Variants in TP63 observed in about 807,000 individuals in gnomAD.
TP63 encodes the protein tumor protein 63.
In TP63, 17 loss-of-function variants were observed where a neutral mutation model predicts 82.8. That is an observed-to-expected ratio of 0.21 (90% CI 0.14 to 0.31). The LOEUF is 0.31. Among genes scored for constraint, TP63 ranks in the 10% least tolerant of loss-of-function variants. The probability of loss-of-function intolerance (pLI) is 1.00; values close to 1 mark genes in which losing one functional copy is unlikely to be tolerated. For missense variants in TP63, 648 were observed against 895.3 expected (o/e 0.72, Z 3.52); for synonymous variants, 330 against 321.7 (o/e 1.03, Z -0.28).
At chr3:189,599,462 T>G in the TP63 span, among the ~76,000 whole-genome samples, 1 of 152,200 alleles carries the variant, frequency 6.6e-6, no homozygotes, top group East Asian at 1.9e-4. Flanking sequence ...GCCATCATCC[T>G]CATTTTGAAA....
the TP63 span, among the ~76,000 whole-genome samples, chr3:189,625,596 T>C: frequency 7.9e-5 from 12 of 152,284 alleles, no homozygotes; most frequent in South Asian, 1.0e-3. Flanking sequence ...ATTTCAATAA[T>C]TGAACTGAGA....
the TP63 span, among the ~76,000 whole-genome samples, chr3:189,599,906 A>G: frequency 6.6e-6 from 1 of 152,192 alleles, no homozygotes; most frequent in Admixed American, 6.5e-5. Context: ...TCAACGAGTC[A>G]AACACTTTTA....
intron 3 of TP63, among the ~76,000 whole-genome samples, chr3:189,779,569 T>C (rs1724068360): frequency 6.6e-6 from 1 of 152,144 alleles, no homozygotes; most frequent in Non-Finnish European, 1.5e-5. Context: ...GGTGATTTGC[T>C]CTGATATGGA....
At chr3:189,693,032 A>G (rs900941932) in intron 1 of TP63, among the ~76,000 whole-genome samples, 7 of 152,130 alleles carry the variant, frequency 4.6e-5, no homozygotes, top group African/African-American at 1.4e-4. Context: ...CCCTCAAACA[A>G]AAATCAGTGT....
At chr3:189,879,981 G>A in intron 10 of TP63, 1 of 1,548,532 alleles carries the variant, frequency 6.5e-7, no homozygotes, top group Non-Finnish European at 8.7e-7. Flanking sequence ...GAAGGTATAA[G>A]GAGTGTGTTT....
At chr3:189,637,147 A>C (rs1453207259) in intron 1 of TP63, among the ~76,000 whole-genome samples, 1 of 151,978 alleles carries the variant, frequency 6.6e-6, no homozygotes, top group Non-Finnish European at 1.5e-5. Context: ...CCTAATGTGC[A>C]TATCTTTGAA....
chr3:189,647,736 A>T (rs943557020), intron 1 of TP63, among the ~76,000 whole-genome samples: 1 of 146,830 alleles, frequency 6.8e-6, no homozygotes, highest in Non-Finnish European at 1.5e-5. Context: ...GTCTTAAAGA[A>T]AAAAAAAGTA....
At chr3:189,712,184 G>A (rs1000497432) in intron 1 of TP63, among the ~76,000 whole-genome samples, 5 of 152,104 alleles carry the variant, frequency 3.3e-5, no homozygotes, top group African/African-American at 1.2e-4. Flanking sequence ...CCTCACTTAC[G>A]AGGACAGGAA....
intron 6 of TP63, 46 bp from the exon 7 acceptor site, chr3:189,867,779 AACAACGTC>A: frequency 4.0e-6 from 6 of 1,496,124 alleles, no homozygotes; most frequent in Non-Finnish European, 5.6e-6. Flanking sequence ...ACTGAGAAGG[AACAACGTC>A]AGTTTAAACC....
At chr3:189,799,058 A>G (rs992786748) in intron 3 of TP63, among the ~76,000 whole-genome samples, 11 of 152,150 alleles carry the variant, frequency 7.2e-5, no homozygotes, top group Admixed American at 3.9e-4. Flanking sequence ...TTGAATGCCT[A>G]TAGTCTAACA....
chr3:189,691,686 G>A (rs1250120793), intron 1 of TP63, among the ~76,000 whole-genome samples: 1 of 152,122 alleles, frequency 6.6e-6, no homozygotes, highest in African/African-American at 2.4e-5. Flanking sequence ...TAAAAGGAAA[G>A]CATGTTTCTC....
rs868285317 is a variant in TP63, at chr3:189,894,296, C to T, written c.1837C>T (p.Pro613Ser). ...CCGGCAGCTCCACGAATTCTCCTCC[C>T]CTTCTCATCTCCTGCGGACCCCAAG... is the stretch of plus-strand genomic sequence containing the variant. ...DHRQLHEFSS[P>S]SHLLRTPSSA... The change falls in exon 14 of 14, where the codon CCT becomes TCT. Residue 613 changes from proline (P) to serine (S), a missense_variant. By Grantham distance (74) the Pro-to-Ser change is moderately conservative. Transcript: ENST00000264731. The T allele has an allele frequency of 6.2e-7, 1 of 1,614,106 alleles. No individual in the cohort carries two copies. The highest frequency in any genetic ancestry group is 8.5e-7 in the Non-Finnish European group (1 of 1,180,014).
chr3:189,674,858 A>G (rs893455692), intron 1 of TP63, among the ~76,000 whole-genome samples: 3 of 152,158 alleles, frequency 2.0e-5, no homozygotes, highest in African/African-American at 7.2e-5. Flanking sequence ...GATATTAACT[A>G]GAAGACCCTA....
At chr3:189,875,609 T>TATATATATATATATAC (rs1553859651) in intron 10 of TP63, among the ~76,000 whole-genome samples, 1 of 62,994 alleles carries the variant, frequency 1.6e-5, no homozygotes, top group African/African-American at 5.5e-5. Context: ...TATATATATA[T>TATATATATATATATAC]ATATATATAT....
At chr3:189,779,209 A>G (rs1027204020) in intron 3 of TP63, among the ~76,000 whole-genome samples, 1 of 152,246 alleles carries the variant, frequency 6.6e-6, no homozygotes, top group Non-Finnish European at 1.5e-5. Context: ...TTTAAAATGC[A>G]TCACTCCTCG....
At chr3:189,884,531 C>T (rs1429423860) in intron 10 of TP63, among the ~76,000 whole-genome samples, 1 of 152,222 alleles carries the variant, frequency 6.6e-6, no homozygotes, top group African/African-American at 2.4e-5. Context: ...TAATTTCTGT[C>T]CATCTCTGCC....
intron 3 of TP63, among the ~76,000 whole-genome samples, chr3:189,793,639 A>G (rs1725392497): frequency 1.3e-5 from 2 of 152,122 alleles, no homozygotes; most frequent in Admixed American, 1.3e-4. Context: ...AGAGGGGCAC[A>G]GGTAAAAATC....
intron 5 of TP63, among the ~76,000 whole-genome samples, chr3:189,865,313 T>A (rs1296144357): frequency 6.6e-6 from 1 of 152,114 alleles, no homozygotes; most frequent in Non-Finnish European, 1.5e-5. Context: ...GGATGAGGTA[T>A]CATGAAGGCC....
chr3:189,693,452 G>T (rs910783425), intron 1 of TP63, among the ~76,000 whole-genome samples: 1 of 151,994 alleles, frequency 6.6e-6, no homozygotes, highest in Non-Finnish European at 1.5e-5. Flanking sequence ...AATTAAGCTG[G>T]GTAAAATACC....
Sources: allele counts gnomAD v4.1 joint callset (sites outside exome capture counted in the v4.1 genomes callset), GRCh38; gene constraint gnomAD v4.1.1; transcripts MANE v1.5; gene names NCBI Gene and HGNC (gene_info 2026-07-23, HGNC 2026-07-21).